UBASH3A: variants seen among roughly 807,000 people sequenced by gnomAD.
UBASH3A encodes the protein ubiquitin associated and SH3 domain containing A, also known as ubiquitin-associated and SH3 domain-containing protein A.
A neutral mutation model predicts 73.5 loss-of-function variants in UBASH3A; 63 were observed. The observed-to-expected ratio is 0.86, with a 90% CI of 0.70 to 1.06. The LOEUF (loss-of-function observed/expected upper bound fraction) is 1.06, where lower values mean the gene tolerates loss of function less well. Ranked by LOEUF, UBASH3A falls within the 50% of genes least tolerant of loss-of-function variation. The probability of loss-of-function intolerance (pLI) is 0.00; values close to 1 mark genes in which losing one functional copy is unlikely to be tolerated. For synonymous variants in UBASH3A, 363 were observed against 351.1 expected, an observed-to-expected ratio of 1.03 and a Z score of -0.38; for missense variants, 860 against 859.0, an observed-to-expected ratio of 1.00 and a Z score of -0.02.
In UBASH3A at chr21:42,411,524, C is replaced by G. The variant is rs534681098; in HGVS notation, c.355-1500C>G. On this transcript the variant is annotated intron_variant, in intron 3 of 14. Coordinates refer to ENST00000319294, the MANE Select transcript of UBASH3A (RefSeq NM_018961.4). ...ACACAGACACACATATAGACATACG[C>G]AGACACACAGACACACATAGACATA... is the stretch of plus-strand genomic sequence containing the variant. Among the ~76,000 whole-genome samples, 960 of 151,880 alleles carry G rather than the reference C, an allele frequency of 6.3e-3. 7 individuals carry two copies. Among genetic ancestry groups the G allele is most frequent in the African/African-American group, 0.022 (907 of 41,438 alleles).
In UBASH3A at chr21:42,436,012, T is replaced by C. The variant is rs111164030; in HGVS notation, c.1393+1058T>C. Among the ~76,000 whole-genome samples, 204 of 150,468 alleles carry C rather than the reference T, an allele frequency of 1.4e-3. 2 individuals are homozygous for C. The highest frequency in any genetic ancestry group is 3.5e-3 in the Middle Eastern group (1 of 282). ...ATAGAGTTATAGAGTCATAGAGTTA[T>C]AGAGTTATAGAGTCATAAAATTATA... On this transcript the variant is annotated intron_variant, in intron 10 of 14. Transcript: ENST00000319294.
intron 1 of UBASH3A, 26 bp from the exon 2 acceptor site, chr21:42,406,282 T>C (rs3746924): frequency 0.5 from 798,270 of 1,606,886 alleles, 200,780 homozygotes; most frequent in African/African-American, 0.52. Flanking sequence ...CGACGTGACT[T>C]TGTGTCTGTG....
intron 5 of UBASH3A, 124 bp from the exon 6 acceptor site, chr21:42,416,318 G>A: frequency 2.0e-6 from 2 of 1,007,274 alleles, no homozygotes; most frequent in Non-Finnish European, 1.4e-6. Flanking sequence ...TGTGAGTTCT[G>A]AGCGGGCCAA....
intron 10 of UBASH3A, among the ~76,000 whole-genome samples, chr21:42,435,798 G>C (rs2053615538): frequency 6.6e-6 from 1 of 151,808 alleles, no homozygotes; most frequent in Non-Finnish European, 1.5e-5. Context: ...TAGATTTATA[G>C]AGTTATAGAG....
intron 8 of UBASH3A, among the ~76,000 whole-genome samples, chr21:42,431,451 G>T (rs561666974): frequency 6.6e-6 from 1 of 152,398 alleles, no homozygotes; most frequent in African/African-American, 2.4e-5. Flanking sequence ...CTGGCTCGAA[G>T]CTGCTGGCCA....
At chr21:42,445,937 G>A (rs879621947) in intron 14 of UBASH3A, among the ~76,000 whole-genome samples, 3 of 152,098 alleles carry the variant, frequency 2.0e-5, no homozygotes, top group Non-Finnish European at 2.9e-5. Flanking sequence ...CCAAAATGTT[G>A]CTCTTGCTTC....
chr21:42,422,220 A>C (rs1428278276), intron 7 of UBASH3A, among the ~76,000 whole-genome samples: 1 of 152,250 alleles, frequency 6.6e-6, no homozygotes, highest in Non-Finnish European at 1.5e-5. Context: ...ATAAGAACTT[A>C]GGACCACAAA....
At chr21:42,446,984 T>C in intron 14 of UBASH3A, 73 bp from the exon 15 acceptor site, 1 of 1,526,192 alleles carries the variant, frequency 6.6e-7, no homozygotes, top group Admixed American at 1.8e-5. Flanking sequence ...GCCTGACAGT[T>C]GGCTTTGGAG....
At chr21:42,443,734 G>A (rs1275552826) in intron 13 of UBASH3A, among the ~76,000 whole-genome samples, 5 of 130,166 alleles carry the variant, frequency 3.8e-5, no homozygotes, top group Admixed American at 1.6e-4. Flanking sequence ...TCCCCTGCCC[G>A]CCCCCCACCA....
chr21:42,435,523 T>C (rs535693626), intron 10 of UBASH3A: 1 of 152,584 alleles, frequency 6.6e-6, no homozygotes, highest in Admixed American at 6.5e-5. Flanking sequence ...TGCTCAGAAA[T>C]GTTTACCCAC....
chr21:42,426,397 A>C (rs768096077), intron 7 of UBASH3A, among the ~76,000 whole-genome samples: 3 of 152,256 alleles, frequency 2.0e-5, no homozygotes, highest in Non-Finnish European at 4.4e-5. Context: ...ATTCTAAAAA[A>C]ATACCTTCAC....
At chr21:42,445,879 A>G (rs2053835716) in intron 14 of UBASH3A, among the ~76,000 whole-genome samples, 1 of 152,126 alleles carries the variant, frequency 6.6e-6, no homozygotes, top group African/African-American at 2.4e-5. Flanking sequence ...AGAGGTCTGC[A>G]TGGATTTTCC....
At chr21:42,427,624 C>T (rs901238260) in intron 8 of UBASH3A, among the ~76,000 whole-genome samples, 2 of 152,160 alleles carry the variant, frequency 1.3e-5, no homozygotes, top group Admixed American at 6.5e-5. Context: ...GGAAGCTTGT[C>T]GGAGAGCACA....
At chr21:42,420,281 A>T (rs1280796330) in intron 7 of UBASH3A, among the ~76,000 whole-genome samples, 2 of 152,188 alleles carry the variant, frequency 1.3e-5, no homozygotes, top group African/African-American at 4.8e-5. Flanking sequence ...CCTTTAAATC[A>T]TCTCTAGATT....
chr21:42,409,584 C>T lies in UBASH3A; in HGVS notation c.330C>T (p.His110=), dbSNP rs192044505. 19 of 1,612,418 alleles carry T rather than the reference C, an allele frequency of 1.2e-5. No individual in the cohort carries two copies. The highest frequency in any genetic ancestry group is 8.9e-5 in the East Asian group (4 of 44,880). ...ACAGAGCTCATGAGGTCTTCCCACA[C>T]GTGACACTCTGTGACTTCTTCACGG... ...AKNRAHEVFP[H]VTLCDFFTCE... is the part of the protein sequence containing the mutation. The change falls in exon 3 of 15, where the codon CAC becomes CAT. Residue 110 remains histidine, a synonymous_variant. Transcript: ENST00000319294.
chr21:42,420,765 A>C (rs1181454460), intron 7 of UBASH3A, among the ~76,000 whole-genome samples: 1 of 128,602 alleles, frequency 7.8e-6, no homozygotes, highest in Non-Finnish European at 1.7e-5. Flanking sequence ...AGGAAAGCCT[A>C]AGTTTTTAAA....
At chr21:42,440,844 AAAG>A (rs1368576937) in intron 11 of UBASH3A, among the ~76,000 whole-genome samples, 6 of 152,250 alleles carry the variant, frequency 3.9e-5, no homozygotes, top group African/African-American at 1.4e-4. Context: ...CTTTGTAATA[AAAG>A]AATACGACTG....
At chr21:42,444,167 G>A (rs1238359670) in intron 13 of UBASH3A, among the ~76,000 whole-genome samples, 5 of 152,194 alleles carry the variant, frequency 3.3e-5, no homozygotes, top group Non-Finnish European at 4.4e-5. Flanking sequence ...TAGCAGGCTC[G>A]TGTGACAAAA....
chr21:42,418,507 A>G lies in UBASH3A; in HGVS notation c.944A>G (p.Glu315Gly), dbSNP rs1289572178. 3 of 1,614,128 alleles carry G rather than the reference A, an allele frequency of 1.9e-6. No homozygotes were observed. The highest frequency in any genetic ancestry group is 2.5e-6 in the Non-Finnish European group (3 of 1,180,030). ...VDPTQQDEAS[E>G]GWVIGISQRT... ...CCCACGCAGCAGGACGAAGCCAGCG[A>G]GGGCTGGGTGATTGGGATCTCACAG... Residue 315 changes from glutamate to glycine, a missense_variant, in exon 7 of 15, where the codon GAG (glutamate) becomes GGG (glycine). Glu to Gly is a moderately conservative substitution (Grantham distance 98, BLOSUM62 -2). Transcript: ENST00000319294.
Sources: allele counts gnomAD v4.1 joint callset (sites outside exome capture counted in the v4.1 genomes callset), GRCh38; gene constraint gnomAD v4.1.1; transcripts MANE v1.5; gene names NCBI Gene and HGNC (gene_info 2026-07-23, HGNC 2026-07-21).